The following CYTH1 variants were observed in gnomAD, a reference collection of about 807,000 sequenced individuals.
The protein encoded by CYTH1 is cytohesin-1.
Under a neutral mutation model 61.8 loss-of-function variants are expected in CYTH1, and 18 were observed. The ratio of observed to expected loss-of-function variants is 0.29; its 90% CI spans 0.20 to 0.43. The LOEUF is 0.43. CYTH1 is among the 20% of genes least tolerant of loss of function. The pLI is 1.00. For missense variants in CYTH1, 336 were observed against 510.5 expected (o/e 0.66, Z 3.29); for synonymous variants, 174 against 184.3 (o/e 0.94, Z 0.45).
At chr17:78,733,176 G>A (rs1385774328) in intron 1 of CYTH1, among the ~76,000 whole-genome samples, 1 of 151,346 alleles carries the variant, frequency 6.6e-6, no homozygotes, top group Non-Finnish European at 1.5e-5. Flanking sequence ...GTCCCACTGA[G>A]GAAGCCTATA....
At chr17:78,727,401 T>C (rs1319194647) in intron 1 of CYTH1, among the ~76,000 whole-genome samples, 1 of 152,184 alleles carries the variant, frequency 6.6e-6, no homozygotes, top group Non-Finnish European at 1.5e-5. Context: ...GAGCATAAAA[T>C]CTTCTTCAAA....
intron 1 of CYTH1, among the ~76,000 whole-genome samples, chr17:78,733,092 A>G (rs2093303457): frequency 6.6e-6 from 1 of 150,558 alleles, no homozygotes; most frequent in Admixed American, 6.6e-5. Context: ...AAAAAAAAAA[A>G]AAAAAAAAAA....
At chr17:78,727,013 C>A (rs1353820430) in intron 1 of CYTH1, among the ~76,000 whole-genome samples, 1 of 152,222 alleles carries the variant, frequency 6.6e-6, no homozygotes, top group East Asian at 1.9e-4. Context: ...AGGACAGGTG[C>A]AACCAGAAAG....
rs891915732 is a variant in CYTH1, at chr17:78,717,992, C to T, written c.23-8260G>A. Among the ~76,000 whole-genome samples the T allele has an allele frequency of 6.6e-6, 1 of 152,112 alleles. No individual in the cohort carries two copies. The highest frequency in any genetic ancestry group is 1.5e-5 in the Non-Finnish European group (1 of 68,022). ...ATGGATAAAAAGGTCCATATTTAAA[C>T]CAACAATGCGGGGAAACATTTTATA... On this transcript the variant is annotated intron_variant, in intron 1 of 13. Coordinates refer to ENST00000446868, the MANE Select transcript of CYTH1 (RefSeq NM_004762.6). The surrounding 1 kb of genome is among the most constrained non-coding windows in gnomAD (Gnocchi z 4.4).
rs146849388 is a variant in CYTH1 at position 78,736,028 on chromosome 17, G to C, written c.23-26296C>G. Among the ~76,000 whole-genome samples, 527 of 152,312 alleles carry C rather than the reference G, an allele frequency of 3.5e-3. 1 individual carries two copies. The highest frequency in any genetic ancestry group is 6.0e-3 in the Non-Finnish European group (406 of 68,020). ...CAGTACAGGTGTGGAGCAGATAAAGGAAGTTCTACAGACCCTGCCCTCCCA... is the reference window on the plus strand; with the variant it reads ...CAGTACAGGTGTGGAGCAGATAAAGCAAGTTCTACAGACCCTGCCCTCCCA... On this transcript the variant is annotated intron_variant, in intron 1 of 13. Coordinates refer to ENST00000446868, the MANE Select transcript of CYTH1 (RefSeq NM_004762.6).
At chr17:78,781,150 C>T (rs1227569163) in intron 1 of CYTH1, among the ~76,000 whole-genome samples, 1 of 149,100 alleles carries the variant, frequency 6.7e-6, no homozygotes, top group African/African-American at 2.5e-5. Flanking sequence ...GCCTGGGTGA[C>T]AGAGCGAGAT....
rs1208020448 is a variant in CYTH1, at chr17:78,701,703, C to T, written c.405G>A (p.Glu135=). ...CCTGGACGAGATTAAGATCAGTGAA[C>T]TCATGCAGCTCCACAAATGCATGAA... The part of the protein sequence containing the change: ...QVLHAFVELH[E]FTDLNLVQAL... The change falls in exon 6 of 14, where the codon GAG becomes GAA. Residue 135 remains glutamate, a synonymous_variant. Coordinates refer to ENST00000446868, the MANE Select transcript of CYTH1 (RefSeq NM_004762.6). 6.2e-7 allele frequency: 1 copy of T among 1,614,186 alleles called. No homozygotes were observed. The highest frequency in any genetic ancestry group is 2.2e-5 in the East Asian group (1 of 44,878).
At chr17:78,695,299 G>A (rs1003626890) in intron 10 of CYTH1, among the ~76,000 whole-genome samples, 1 of 152,166 alleles carries the variant, frequency 6.6e-6, no homozygotes, top group Non-Finnish European at 1.5e-5. Flanking sequence ...CATAACAACA[G>A]AGCCGAGGCT....
chr17:78,742,471 A>G (rs2093345180), intron 1 of CYTH1, among the ~76,000 whole-genome samples: 1 of 151,882 alleles, frequency 6.6e-6, no homozygotes, highest in Non-Finnish European at 1.5e-5. Context: ...CTGAGACAGG[A>G]AGATCGCTTG....
intron 1 of CYTH1, among the ~76,000 whole-genome samples, chr17:78,734,833 C>T (rs1224153358): frequency 6.6e-6 from 1 of 152,306 alleles, no homozygotes; most frequent in African/African-American, 2.4e-5. Flanking sequence ...AAAACCCCCA[C>T]ATACCCTTTC....
At chr17:78,733,805 C>T (rs1181713487) in intron 1 of CYTH1, among the ~76,000 whole-genome samples, 1 of 152,250 alleles carries the variant, frequency 6.6e-6, no homozygotes, top group Non-Finnish European at 1.5e-5. Context: ...CAGAGGCCAG[C>T]AACAATGGGC....
chr17:78,750,318 ATT>A (rs1258097887), intron 1 of CYTH1, among the ~76,000 whole-genome samples: 1 of 152,124 alleles, frequency 6.6e-6, no homozygotes, highest in Non-Finnish European at 1.5e-5. Flanking sequence ...CGGATATGCT[ATT>A]TCTCAGGTGG....
intron 1 of CYTH1, among the ~76,000 whole-genome samples, chr17:78,754,245 C>T (rs144330958): frequency 0.015 from 2,261 of 152,292 alleles, 29 homozygotes; most frequent in Non-Finnish European, 0.023. Context: ...CAAAAACAAA[C>T]CCTCTTACGC....
At chr17:78,739,540 G>A (rs373745562) in intron 1 of CYTH1, among the ~76,000 whole-genome samples, 1 of 152,190 alleles carries the variant, frequency 6.6e-6, no homozygotes, top group African/African-American at 2.4e-5. Flanking sequence ...AGATATGGTC[G>A]CAGAGGTGAG....
At chr17:78,710,338 T>C (rs939729223) in intron 1 of CYTH1, among the ~76,000 whole-genome samples, 58 of 152,260 alleles carry the variant, frequency 3.8e-4, no homozygotes, top group African/African-American at 1.3e-3. Flanking sequence ...TTCTGCTTCA[T>C]ACCTTTCTTC....
intron 11 of CYTH1, among the ~76,000 whole-genome samples, chr17:78,686,439 TCTC>T (rs1158735396): frequency 1.3e-5 from 2 of 152,124 alleles, no homozygotes; most frequent in East Asian, 1.9e-4. Flanking sequence ...GACCCCTGGT[TCTC>T]CTCCTGTGAA....
intron 10 of CYTH1, among the ~76,000 whole-genome samples, chr17:78,694,064 G>A (rs1172508485): frequency 6.6e-6 from 1 of 152,194 alleles, no homozygotes; most frequent in East Asian, 1.9e-4. Context: ...GCCAGGACCT[G>A]CCTGCATGCT....
Position 78,760,257 on chromosome 17 carries a change from T to A in CYTH1, c.22+21945A>T, listed in dbSNP as rs184121914. On this transcript the variant is annotated intron_variant, in intron 1 of 13. Coordinates refer to ENST00000446868, the MANE Select transcript of CYTH1 (RefSeq NM_004762.6). ...GAACGGAAAATACATGGTTGAATTTTACAAATTTAGACATATAAAGCTAAA... is the reference window on the plus strand; with the variant it reads ...GAACGGAAAATACATGGTTGAATTTAACAAATTTAGACATATAAAGCTAAA... 3.1e-3 allele frequency among the ~76,000 whole-genome samples: 470 copies of A among 150,492 alleles called. 1 individual carries two copies. The highest frequency in any genetic ancestry group is 0.011 in the African/African-American group (433 of 40,942).
intron 13 of CYTH1, among the ~76,000 whole-genome samples, chr17:78,679,147 G>A (rs181439352): frequency 3.1e-4 from 47 of 152,320 alleles, no homozygotes; most frequent in African/African-American, 1.1e-3. Context: ...CCTCGGGAAC[G>A]GGGCTGTAGC....
Sources: allele counts gnomAD v4.1 joint callset (sites outside exome capture counted in the v4.1 genomes callset), GRCh38; gene constraint gnomAD v4.1.1; non-coding constraint Gnocchi (gnomAD v3.1); transcripts MANE v1.5; gene names NCBI Gene and HGNC (gene_info 2026-07-23, HGNC 2026-07-21).